The following EPB41L4B variants were observed in gnomAD, a reference collection of about 807,000 sequenced individuals.
EPB41L4B encodes band 4.1-like protein 4B.
In EPB41L4B, 30 loss-of-function variants were observed where a neutral mutation model predicts 112.5. That is an observed-to-expected ratio of 0.27 (90% CI 0.20 to 0.36). The LOEUF is 0.36. Ranked by LOEUF, EPB41L4B falls within the 10% of genes least tolerant of loss-of-function variation. The probability of loss-of-function intolerance (pLI) is 1.00; values close to 1 mark genes in which losing one functional copy is unlikely to be tolerated. For synonymous variants in EPB41L4B, 408 were observed against 439.7 expected (o/e 0.93, Z 0.90); for missense variants, 1,024 against 1,133.3 (o/e 0.90, Z 1.38).
intron 2 of EPB41L4B, among the ~76,000 whole-genome samples, 194 bp from the exon 3 acceptor site, chr9:109,268,627 G>A (rs1254646293): frequency 3.3e-5 from 5 of 152,048 alleles, no homozygotes; most frequent in East Asian, 1.9e-4. Flanking sequence ...GGCCGGGCGC[G>A]GTGGCTCACG....
intron 1 of EPB41L4B, among the ~76,000 whole-genome samples, chr9:109,311,383 G>A (rs925979337): frequency 2.0e-5 from 3 of 152,160 alleles, no homozygotes; most frequent in Non-Finnish European, 4.4e-5. Context: ...CCACAGAGCT[G>A]AGGGATGCCA....
chr9:109,204,570 CGGCCTTGA>C (rs1381130621), intron 18 of EPB41L4B, among the ~76,000 whole-genome samples: 1 of 152,196 alleles, frequency 6.6e-6, no homozygotes, highest in Admixed American at 6.5e-5. Flanking sequence ...TGGCTCACTG[CGGCCTTGA>C]CTTCCTGGGC....
intron 1 of EPB41L4B, among the ~76,000 whole-genome samples, chr9:109,284,917 G>T (rs907556571): frequency 6.6e-6 from 1 of 152,200 alleles, no homozygotes; most frequent in African/African-American, 2.4e-5. Flanking sequence ...TAGTGGGACA[G>T]AACTAGTTAA....
chr9:109,230,164 A>G (rs976622320), intron 15 of EPB41L4B, among the ~76,000 whole-genome samples: 7 of 152,210 alleles, frequency 4.6e-5, no homozygotes, highest in African/African-American at 1.7e-4. Flanking sequence ...AACCATTTGA[A>G]GAAAGGACAA....
chr9:109,255,915 T>C (rs1834965731), intron 9 of EPB41L4B, 72 bp from the exon 10 acceptor site: 2 of 1,424,722 alleles, frequency 1.4e-6, no homozygotes, highest in African/African-American at 1.4e-5. Flanking sequence ...AGCAGTTTCC[T>C]TTCTACTTTT....
intron 21 of EPB41L4B, among the ~76,000 whole-genome samples, chr9:109,193,171 T>G (rs1284386767): frequency 3.3e-5 from 5 of 152,228 alleles, no homozygotes; most frequent in Admixed American, 6.5e-5. Flanking sequence ...AACCTCGATC[T>G]TGGCCAGTCG....
intron 1 of EPB41L4B, among the ~76,000 whole-genome samples, chr9:109,318,390 C>A (rs1323720516): frequency 6.6e-6 from 1 of 152,180 alleles, no homozygotes; most frequent in Non-Finnish European, 1.5e-5. Flanking sequence ...CTTCCTGTCC[C>A]AACCTGTTCG....
rs186511890 is a variant in EPB41L4B, at chr9:109,192,318, G to A, written c.2261C>T (p.Pro754Leu). Reference sequence around the variant, plus strand: ...TGTGAAATCCATCAGAAGATCACCCGGCTCCAGGGTAAAGGCACCTCCTCG... The same window carrying A: ...TGTGAAATCCATCAGAAGATCACCCAGCTCCAGGGTAAAGGCACCTCCTCG... ...SDRGGAFTLE[P>L]GDLLMDFTEA... Residue 754 changes from proline (P) to leucine (L), a missense_variant, in exon 22 of 26, where the codon CCG becomes CTG. Transcript: ENST00000374566. The A allele has an allele frequency of 3.3e-3, 5,349 of 1,612,228 alleles. 14 individuals are homozygous for A. Among genetic ancestry groups the A allele is most frequent in the Non-Finnish European group, 4.3e-3 (5,128 of 1,179,194 alleles).
intron 19 of EPB41L4B, among the ~76,000 whole-genome samples, 178 bp downstream of exon 19, chr9:109,203,485 A>G (rs2118759930): frequency 6.6e-6 from 1 of 152,328 alleles, no homozygotes; most frequent in East Asian, 1.9e-4. Flanking sequence ...AATAAGCAAC[A>G]TTTTTGAGGC....
At chr9:109,254,496 TTAAA>T (rs1834909701) in intron 11 of EPB41L4B, among the ~76,000 whole-genome samples, 1 of 151,900 alleles carries the variant, frequency 6.6e-6, no homozygotes, top group Non-Finnish European at 1.5e-5. Context: ...CTTTTGGCAT[TTAAA>T]TAGAGTTCAG....
Position 109,279,872 on chromosome 9 carries a change from T to C in EPB41L4B, c.356A>G (p.Asp119Gly). The C allele has an allele frequency of 6.2e-7, 1 of 1,614,056 alleles. No individual in the cohort carries two copies. The highest frequency in any genetic ancestry group is 8.5e-7 in the Non-Finnish European group (1 of 1,180,002). ...GCCAAAGTAATCTGTTTCCACAAGG[T>C]CCAAGTGGTACACAATCTGATCAAA... ...DLFDQIVYHL[D>G]LVETDYFGLQ... The change falls in exon 2 of 26, where the codon GAC (aspartate) becomes GGC (glycine). Residue 119 changes from aspartate to glycine, a missense_variant. By Grantham distance (94) the Asp-to-Gly change is moderately conservative (BLOSUM62 -1). Coordinates refer to ENST00000374566, the MANE Select transcript of EPB41L4B (RefSeq NM_019114.5).
chr9:109,247,746 A>T lies in EPB41L4B; in HGVS notation c.1344+10T>A, dbSNP rs1213767318. Reference sequence around the variant, plus strand: ...TTCTTTAAAGAAAACCTTTAAAAGCAGTATCTTACCTGGTAATTATGGACT... The same window carrying T: ...TTCTTTAAAGAAAACCTTTAAAAGCTGTATCTTACCTGGTAATTATGGACT... On this transcript the variant is annotated intron_variant, in intron 14 of 25. Transcript: ENST00000374566. The T allele has an allele frequency of 2.8e-6, 4 of 1,448,278 alleles. No homozygotes were observed. Among genetic ancestry groups the T allele is most frequent in the Non-Finnish European group, 3.7e-6 (4 of 1,095,444 alleles). The allele number at this position is 1,448,278 out of a possible 1,614,324, so 89.7% of individuals were successfully genotyped here. A position where few individuals can be genotyped will look rare whatever the true frequency, so the allele number is the denominator to read the frequency against.
chr9:109,312,848 C>A (rs768419515), intron 1 of EPB41L4B, among the ~76,000 whole-genome samples: 1 of 152,156 alleles, frequency 6.6e-6, no homozygotes, highest in Non-Finnish European at 1.5e-5. Flanking sequence ...TTCTGACCCC[C>A]ATCTTCCACG....
intron 2 of EPB41L4B, among the ~76,000 whole-genome samples, chr9:109,273,794 G>T (rs1287608367): frequency 6.6e-6 from 1 of 152,176 alleles, no homozygotes; most frequent in Non-Finnish European, 1.5e-5. Context: ...AAGGGGTTTT[G>T]TCTGTTTCCA....
At chr9:109,217,278 A>G in intron 15 of EPB41L4B, 133 bp from the exon 16 acceptor site, 1 of 727,198 alleles carries the variant, frequency 1.4e-6, no homozygotes. Flanking sequence ...TAGTTATTAT[A>G]AAGTATATAC....
intron 16 of EPB41L4B, 80 bp from the exon 17 acceptor site, chr9:109,213,898 G>A (rs1031186257): frequency 3.6e-5 from 46 of 1,294,872 alleles, no homozygotes; most frequent in South Asian, 9.8e-5. Context: ...ACTTGCCAGC[G>A]CCCGATTCCC....
At chr9:109,243,753 G>C (rs1292778730) in intron 14 of EPB41L4B, 71 bp from the exon 15 acceptor site, 12 of 1,493,016 alleles carry the variant, frequency 8.0e-6, no homozygotes, top group African/African-American at 1.4e-5. Flanking sequence ...CGCTTTGTCT[G>C]TTCCTGGCAT....
intron 2 of EPB41L4B, among the ~76,000 whole-genome samples, chr9:109,274,335 C>T (rs915433369): frequency 3.3e-5 from 5 of 152,100 alleles, no homozygotes; most frequent in Non-Finnish European, 7.4e-5. Flanking sequence ...AAATCCCTGC[C>T]CCTCCTCTGC....
chr9:109,290,117 T>C (rs766330503), intron 1 of EPB41L4B, among the ~76,000 whole-genome samples: 10 of 152,214 alleles, frequency 6.6e-5, no homozygotes, highest in Non-Finnish European at 1.3e-4. Context: ...CCTGGGACTC[T>C]GTGAGGCAGA....
Sources: allele counts gnomAD v4.1 joint callset (sites outside exome capture counted in the v4.1 genomes callset), GRCh38; gene constraint gnomAD v4.1.1; transcripts MANE v1.5; gene names NCBI Gene and HGNC (gene_info 2026-07-23, HGNC 2026-07-21).